C3orf49: variants seen among roughly 807,000 people sequenced by gnomAD.
The protein encoded by C3orf49 is putative uncharacterized protein C3orf49.
Under a neutral mutation model 13.3 loss-of-function variants are expected in C3orf49, and 27 were observed. The observed-to-expected ratio is 2.02, with a 90% CI of 1.49 to 2.79. The LOEUF (loss-of-function observed/expected upper bound fraction) is 2.79. C3orf49 is among the 30% of genes most tolerant of loss of function. The probability of loss-of-function intolerance (pLI) is 0.00; values close to 1 mark genes in which losing one functional copy is unlikely to be tolerated. For synonymous variants in C3orf49, 87 were observed against 47.6 expected (o/e 1.83, Z -3.40); for missense variants, 242 against 134.2 (o/e 1.80, Z -3.97).
intron 5 of C3orf49, among the ~76,000 whole-genome samples, chr3:63,843,539 T>C (rs1347713851): frequency 2.0e-5 from 3 of 152,200 alleles, no homozygotes; most frequent in African/African-American, 7.2e-5. Context: ...CCAACGTTTA[T>C]AGCAGCCTTA....
the C3orf49 span, among the ~76,000 whole-genome samples, chr3:63,809,555 G>C: frequency 6.6e-6 from 1 of 152,050 alleles, no homozygotes; most frequent in Non-Finnish European, 1.5e-5. Context: ...AGAGCTTCTC[G>C]TCTCACACAG....
At chr3:63,844,938 G>A in intron 5 of C3orf49, 85 bp from the exon 6 acceptor site, 1 of 587,426 alleles carries the variant, frequency 1.7e-6, no homozygotes, top group Non-Finnish European at 3.1e-6. Flanking sequence ...TGAAAATGTG[G>A]AAGCGGCAAG....
the C3orf49 span, among the ~76,000 whole-genome samples, chr3:63,785,583 TGAACCA>T: frequency 5.3e-5 from 8 of 152,128 alleles, no homozygotes; most frequent in African/African-American, 1.7e-4. Flanking sequence ...AATAATAACT[TGAACCA>T]GTGGCTACCC....
At chr3:63,798,865 T>C in the C3orf49 span, among the ~76,000 whole-genome samples, 5 of 152,184 alleles carry the variant, frequency 3.3e-5, no homozygotes, top group Admixed American at 3.3e-4. Flanking sequence ...GTGAAAAGTG[T>C]AGGGCCGGAA....
At chr3:63,798,061 G>C in the C3orf49 span, among the ~76,000 whole-genome samples, 1 of 152,136 alleles carries the variant, frequency 6.6e-6, no homozygotes, top group Non-Finnish European at 1.5e-5. Context: ...TGTATAAGAT[G>C]TTAACAGGTG....
the C3orf49 span, among the ~76,000 whole-genome samples, chr3:63,798,539 T>G: frequency 6.6e-6 from 1 of 152,112 alleles, no homozygotes. Flanking sequence ...AATAAACACT[T>G]AATAGTTATT....
At chr3:63,844,442 C>T (rs11927265) in intron 5 of C3orf49, among the ~76,000 whole-genome samples, 12,135 of 152,170 alleles carry the variant, frequency 0.08, 1,144 homozygotes, top group African/African-American at 0.23. Flanking sequence ...TATATATACT[C>T]CAACACATCA....
chr3:63,804,367 C>G, the C3orf49 span, among the ~76,000 whole-genome samples: 1 of 152,194 alleles, frequency 6.6e-6, no homozygotes, highest in Admixed American at 6.5e-5. Context: ...CTCACAGACA[C>G]TGCAGGCTCT....
chr3:63,844,206 G>C (rs908588438), intron 5 of C3orf49, among the ~76,000 whole-genome samples: 2 of 152,168 alleles, frequency 1.3e-5, no homozygotes, highest in Non-Finnish European at 2.9e-5. Context: ...GGTGGCTAGG[G>C]AGAAGGAGGT....
At chr3:63,838,171 G>T in intron 5 of C3orf49, 2 of 1,094,238 alleles carry the variant, frequency 1.8e-6, no homozygotes, top group Non-Finnish European at 2.6e-6. Context: ...ATAGACACTA[G>T]TATTTTTAAA....
chr3:63,807,214 G>A, the C3orf49 span, among the ~76,000 whole-genome samples: 1 of 152,180 alleles, frequency 6.6e-6, no homozygotes, highest in Non-Finnish European at 1.5e-5. Context: ...GCCTCCCAAA[G>A]TGTTGGGATT....
chr3:63,839,574 T>C, intron 5 of C3orf49: 1 of 875,566 alleles, frequency 1.1e-6, no homozygotes, highest in Non-Finnish European at 1.8e-6. Flanking sequence ...GAGTGAAAAT[T>C]TGATCTACTC....
At chr3:63,845,233 G>A (rs1406849759) in intron 6 of C3orf49, among the ~76,000 whole-genome samples, 151 bp downstream of exon 6, 6 of 152,144 alleles carry the variant, frequency 3.9e-5, no homozygotes, top group Non-Finnish European at 7.3e-5. Context: ...ATTAGTTTGT[G>A]CTATGAGAGG....
the C3orf49 span, among the ~76,000 whole-genome samples, chr3:63,780,980 G>A: frequency 6.6e-6 from 1 of 151,696 alleles, no homozygotes; most frequent in Admixed American, 6.6e-5. Context: ...CTGTGCAGAA[G>A]CTCTTTAGTT....
the C3orf49 span, among the ~76,000 whole-genome samples, chr3:63,788,899 T>C: frequency 9.7e-3 from 1,474 of 152,282 alleles, 29 homozygotes; most frequent in African/African-American, 0.033. Context: ...CAGAGTAACA[T>C]TTTCTTGAGG....
upstream of C3orf49, among the ~76,000 whole-genome samples, chr3:63,814,970 A>C (rs1304808473): frequency 6.6e-6 from 1 of 152,300 alleles, no homozygotes; most frequent in South Asian, 2.1e-4. Context: ...GAAGCTCACA[A>C]TCCTGGCTGA....
the C3orf49 span, among the ~76,000 whole-genome samples, chr3:63,788,738 A>AC: frequency 1.1e-3 from 160 of 152,080 alleles, no homozygotes; most frequent in African/African-American, 3.6e-3. Context: ...TAAAAAAAAA[A>AC]AACAAAAAAA....
chr3:63,785,058 T>C, the C3orf49 span, among the ~76,000 whole-genome samples: 556 of 130,880 alleles, frequency 4.2e-3, 5 homozygotes, highest in African/African-American at 0.015. Flanking sequence ...GGACTTCTCT[T>C]CTTCTTCTTT....
chr3:63,780,955 T>C, the C3orf49 span, among the ~76,000 whole-genome samples: 21,827 of 151,702 alleles, frequency 0.14, 1,898 homozygotes, highest in East Asian at 0.19. Context: ...TTCACTCTGA[T>C]GGTAGTTTCT....
Sources: allele counts gnomAD v4.1 joint callset (sites outside exome capture counted in the v4.1 genomes callset), GRCh38; gene constraint gnomAD v4.1.1; transcripts MANE v1.5; gene names NCBI Gene and HGNC (gene_info 2026-07-23, HGNC 2026-07-21).